The following KIAA1328 variants were observed in gnomAD, a reference collection of about 807,000 sequenced individuals.
KIAA1328 encodes the protein protein hinderin.
In KIAA1328, 52 loss-of-function variants were observed where a neutral mutation model predicts 68.1. The observed-to-expected ratio is 0.76, with a 90% CI of 0.61 to 0.96. The LOEUF (loss-of-function observed/expected upper bound fraction) is 0.96. Ranked by LOEUF, KIAA1328 falls within the 40% of genes least tolerant of loss-of-function variation. The pLI, the probability that KIAA1328 is intolerant of heterozygous loss-of-function variation, is 0.00. For missense variants in KIAA1328, 641 were observed against 677.6 expected, an observed-to-expected ratio of 0.95 and a Z score of 0.60; for synonymous variants, 232 against 239.4, an observed-to-expected ratio of 0.97 and a Z score of 0.28.
At chr18:36,959,142 G>A (rs899000365) in intron 5 of KIAA1328, among the ~76,000 whole-genome samples, 166 bp from the exon 6 acceptor site, 9 of 151,906 alleles carry the variant, frequency 5.9e-5, no homozygotes, top group Non-Finnish European at 1.0e-4. Context: ...TATGATTTTC[G>A]GGGAGAAATA....
chr18:37,005,705 G>C (rs1252146696), intron 6 of KIAA1328, among the ~76,000 whole-genome samples: 1 of 152,126 alleles, frequency 6.6e-6, no homozygotes, highest in South Asian at 2.1e-4. Flanking sequence ...ATCAACTTAA[G>C]CTTTCATCAA....
At chr18:37,120,564 T>C (rs1255745356) in intron 7 of KIAA1328, among the ~76,000 whole-genome samples, 5 of 152,160 alleles carry the variant, frequency 3.3e-5, no homozygotes, top group African/African-American at 1.2e-4. Context: ...CGCTGGATGG[T>C]GTAAGAAATG....
At chr18:37,232,154 A>G (rs1301456402), downstream of KIAA1328, 1 of 152,190 alleles carries the variant, frequency 6.6e-6, no homozygotes, top group African/African-American at 2.4e-5. Flanking sequence ...CATTGTAATA[A>G]ATTTTTTCTA....
Position 37,224,430 on chromosome 18 carries a change from C to A in KIAA1328, c.*2203C>A. On this transcript the variant is annotated 3_prime_UTR_variant, in exon 10 of 10. Transcript: ENST00000280020. Reference sequence around the variant, plus strand: ...GATGGGCTTTCAGCAGAATATCAACCAATACATTTTTCACATGCAAAACTC... The same window carrying A: ...GATGGGCTTTCAGCAGAATATCAACAAATACATTTTTCACATGCAAAACTC... The A allele has an allele frequency of 1.0e-6, 1 of 985,352 alleles. No individual in the cohort carries two copies. The highest frequency in any genetic ancestry group is 1.2e-6 in the Non-Finnish European group (1 of 829,910). The allele number at this position is 985,352 out of a possible 1,614,324, so 61.0% of individuals were successfully genotyped here. A position where few individuals can be genotyped will look rare whatever the true frequency, so the allele number is the denominator to read the frequency against.
intron 4 of KIAA1328, among the ~76,000 whole-genome samples, chr18:36,848,528 C>T (rs2047103468): frequency 8.2e-6 from 1 of 121,322 alleles, no homozygotes; most frequent in Non-Finnish European, 1.7e-5. Context: ...TTTTCCTTTC[C>T]AATCTATAGA....
At chr18:36,891,521 C>T (rs1025744484) in intron 5 of KIAA1328, among the ~76,000 whole-genome samples, 1 of 152,176 alleles carries the variant, frequency 6.6e-6, no homozygotes, top group South Asian at 2.1e-4. Flanking sequence ...TTTGCAGCCT[C>T]ATAACTTAGC....
chr18:37,219,910 C>G (rs1225667446), intron 9 of KIAA1328, among the ~76,000 whole-genome samples: 1 of 152,086 alleles, frequency 6.6e-6, no homozygotes, highest in Non-Finnish European at 1.5e-5. Flanking sequence ...TCTTCTTTGT[C>G]GATCACACTG....
intron 5 of KIAA1328, among the ~76,000 whole-genome samples, chr18:36,947,998 T>C (rs575838310): frequency 2.6e-5 from 4 of 152,142 alleles, no homozygotes; most frequent in Non-Finnish European, 5.9e-5. Context: ...GAGGGTATAA[T>C]GAGGCGTGTT....
intron 7 of KIAA1328, among the ~76,000 whole-genome samples, chr18:37,145,006 G>A (rs895134172): frequency 2.0e-5 from 3 of 152,084 alleles, no homozygotes; most frequent in African/African-American, 7.2e-5. Flanking sequence ...AGGCTGAGGT[G>A]GGTGGATGGC....
At chr18:37,112,348 CATTTGCTGTTCTGCAAT>C (rs1441582228) in intron 7 of KIAA1328, among the ~76,000 whole-genome samples, 1 of 152,200 alleles carries the variant, frequency 6.6e-6, no homozygotes, top group Non-Finnish European at 1.5e-5. Flanking sequence ...CAAGCAGCAA[CATTTGCTGTTCTGCAAT>C]ATTTGCTGTT....
chr18:37,226,131 A>T (rs1298791039), downstream of KIAA1328, among the ~76,000 whole-genome samples: 5 of 152,254 alleles, frequency 3.3e-5, no homozygotes, highest in East Asian at 9.7e-4. Flanking sequence ...CAAGACTTCT[A>T]AAGGGAGCAG....
At chr18:37,062,685 G>C (rs1353968864) in intron 6 of KIAA1328, among the ~76,000 whole-genome samples, 1 of 152,082 alleles carries the variant, frequency 6.6e-6, no homozygotes, top group Non-Finnish European at 1.5e-5. Flanking sequence ...TCGTTCTCCT[G>C]ACCTCGTGAT....
chr18:36,871,867 G>A (rs1374268890), intron 4 of KIAA1328, among the ~76,000 whole-genome samples: 1 of 152,048 alleles, frequency 6.6e-6, no homozygotes, highest in East Asian at 1.9e-4. Flanking sequence ...CTTGATGGAG[G>A]CCACATGTGG....
intron 5 of KIAA1328, among the ~76,000 whole-genome samples, chr18:36,935,084 G>A (rs2050452307): frequency 6.6e-6 from 1 of 152,156 alleles, no homozygotes; most frequent in Non-Finnish European, 1.5e-5. Flanking sequence ...TTCTCAGTTA[G>A]GCTAGAGCAA....
chr18:36,940,282 A>G (rs1166525212), intron 5 of KIAA1328, among the ~76,000 whole-genome samples: 1 of 152,228 alleles, frequency 6.6e-6, no homozygotes, highest in Non-Finnish European at 1.5e-5. Flanking sequence ...TAAAATGCAG[A>G]ATCGAATCCA....
At chr18:37,169,355 T>C (rs549891855) in intron 8 of KIAA1328, among the ~76,000 whole-genome samples, 295 of 152,038 alleles carry the variant, frequency 1.9e-3, no homozygotes, top group African/African-American at 6.7e-3. Flanking sequence ...TTAGTAGATA[T>C]GGGGTTTCAC....
intron 7 of KIAA1328, among the ~76,000 whole-genome samples, chr18:37,159,525 C>A (rs1471144784): frequency 6.6e-6 from 1 of 152,076 alleles, no homozygotes; most frequent in Non-Finnish European, 1.5e-5. Flanking sequence ...TGAGAGATAA[C>A]ACATCATTAG....
intron 7 of KIAA1328, chr18:37,084,536 A>G (rs944427446): frequency 1.5e-4 from 23 of 148,590 alleles, no homozygotes; most frequent in Admixed American, 8.3e-5. Context: ...GATTATGCTT[A>G]TACAGAATTT....
At chr18:37,201,317 A>G (rs969565852) in intron 9 of KIAA1328, among the ~76,000 whole-genome samples, 5 of 152,230 alleles carry the variant, frequency 3.3e-5, no homozygotes, top group African/African-American at 4.8e-5. Flanking sequence ...TAGGGTGCCA[A>G]TGAAAAAACA....
Sources: gnomAD v4.1 joint callset for allele counts (sites outside exome capture counted in the v4.1 genomes callset) on GRCh38, gnomAD v4.1.1 for gene constraint, MANE v1.5 for transcripts, NCBI Gene and HGNC (gene_info 2026-07-23, HGNC 2026-07-21) for gene names.